MEI4: variants seen among roughly 807,000 people sequenced by gnomAD.
MEI4 encodes meiosis-specific protein MEI4.
Under a neutral mutation model 31.4 loss-of-function variants are expected in MEI4, and 27 were observed. That is an observed-to-expected ratio of 0.86 (90% CI 0.63 to 1.19). The LOEUF (loss-of-function observed/expected upper bound fraction) is 1.19. Among genes scored for constraint, MEI4 ranks in the 50% most tolerant of loss-of-function variants. MEI4 has a pLI of 0.00. For synonymous variants in MEI4, 122 were observed against 145.4 expected (o/e 0.84, Z 1.16); for missense variants, 329 against 398.9 (o/e 0.82, Z 1.49).
intron 1 of MEI4, among the ~76,000 whole-genome samples, chr6:77,666,640 G>T (rs1298149662): frequency 6.6e-6 from 1 of 152,178 alleles, no homozygotes; most frequent in East Asian, 1.9e-4. Context: ...CACATAGCTG[G>T]TAAGGGGCAA....
At chr6:77,773,754 G>T (rs1025208532) in intron 3 of MEI4, among the ~76,000 whole-genome samples, 1 of 152,036 alleles carries the variant, frequency 6.6e-6, no homozygotes, top group Non-Finnish European at 1.5e-5. Context: ...GGAAATATCT[G>T]TAAACTACTC....
intron 2 of MEI4, among the ~76,000 whole-genome samples, chr6:77,713,523 T>C (rs899651458): frequency 6.6e-6 from 1 of 152,170 alleles, no homozygotes; most frequent in African/African-American, 2.4e-5. Context: ...TCCAGTGAAA[T>C]TGAATGATGG....
chr6:77,744,400 G>A (rs185344926), intron 2 of MEI4, among the ~76,000 whole-genome samples: 22 of 152,162 alleles, frequency 1.4e-4, no homozygotes, highest in African/African-American at 4.8e-4. Context: ...GAAATGAAGC[G>A]ACAAGAGAAG....
intron 3 of MEI4, among the ~76,000 whole-genome samples, chr6:77,802,800 C>T (rs1284664822): frequency 6.6e-6 from 1 of 152,236 alleles, no homozygotes; most frequent in Non-Finnish European, 1.5e-5. Context: ...AATATTGGCT[C>T]ACACTGTTTT....
chr6:77,807,883 T>G (rs1053419275), intron 3 of MEI4, among the ~76,000 whole-genome samples: 2 of 152,196 alleles, frequency 1.3e-5, no homozygotes, highest in Non-Finnish European at 2.9e-5. Context: ...GCATAAGATA[T>G]CTTTATGAGT....
At chr6:77,724,834 T>G (rs1315733890) in intron 2 of MEI4, among the ~76,000 whole-genome samples, 1 of 146,870 alleles carries the variant, frequency 6.8e-6, no homozygotes, top group African/African-American at 2.5e-5. Context: ...ACATTTTGCG[T>G]TGACTGAGCC....
At chr6:77,660,374 T>G (rs553715332) in intron 1 of MEI4, among the ~76,000 whole-genome samples, 46 of 152,218 alleles carry the variant, frequency 3.0e-4, no homozygotes, top group African/African-American at 1.1e-3. Flanking sequence ...AGATCATCTA[T>G]CCACTCTAAG....
Position 77,708,496 on chromosome 6 carries a change from G to A in MEI4, c.232+17593G>A, listed in dbSNP as rs565664938. Among the ~76,000 whole-genome samples the A allele has an allele frequency of 1.8e-3, 274 of 152,338 alleles. 3 individuals carry two copies. Among genetic ancestry groups the A allele is most frequent in the African/African-American group, 6.3e-3 (262 of 41,584 alleles). ...ATGCTGAAACAAGTTGGGACTTTTG[G>A]AGACTATTGGGAAGAGATGATTGTA... On this transcript the variant is annotated intron_variant, in intron 2 of 4. Transcript: ENST00000684080.
chr6:77,893,957 CT>C (rs775433274), intron 4 of MEI4, among the ~76,000 whole-genome samples: 48 of 152,148 alleles, frequency 3.2e-4, no homozygotes, highest in Non-Finnish European at 5.0e-4. Flanking sequence ...CATGTACCCC[CT>C]GAATCTAAAA....
intron 4 of MEI4, among the ~76,000 whole-genome samples, chr6:77,876,866 CAAATT>C (rs1039119746): frequency 2.0e-5 from 3 of 151,552 alleles, no homozygotes; most frequent in African/African-American, 7.3e-5. Flanking sequence ...CAGTACCTCT[CAAATT>C]AGAAAGACAA....
rs1430505453 is a variant in MEI4 at position 77,926,138 on chromosome 6, C to A, written c.*2792C>A. ...CTCTCCTGGCACTTCAGTAAACTTT[C>A]ACAAACACAGCTTCTTTGCAATTGT... On this transcript the variant is annotated 3_prime_UTR_variant, in exon 5 of 5. Transcript: ENST00000684080. The A allele has an allele frequency of 2.6e-5, 4 of 151,948 alleles. No individual in the cohort carries two copies. Among genetic ancestry groups the A allele is most frequent in the Non-Finnish European group, 4.4e-5 (3 of 67,972 alleles). The allele number at this position is 151,948 out of a possible 1,614,324, so 9.4% of individuals were successfully genotyped here.
At position 77,794,466 on chromosome 6, in the gene MEI4, G is replaced by A. The variant is rs139328302; in HGVS notation, c.768+32801G>A. 3.3e-3 allele frequency among the ~76,000 whole-genome samples: 507 copies of A among 152,242 alleles called. 2 individuals carry two copies. Among genetic ancestry groups the A allele is most frequent in the African/African-American group, 0.012 (494 of 41,554 alleles). On this transcript the variant is annotated intron_variant, in intron 3 of 4. Coordinates refer to ENST00000684080, the MANE Select transcript of MEI4 (RefSeq NM_001322247.2). ...TAGTCCCAGCTACTCGGGAGGGTGA[G>A]GCAGGAGAATGGCATGAACTCTGGA...
intron 3 of MEI4, among the ~76,000 whole-genome samples, chr6:77,765,963 A>G (rs1768164354): frequency 6.6e-6 from 1 of 152,216 alleles, no homozygotes; most frequent in Admixed American, 6.5e-5. Flanking sequence ...TCTCACTCAT[A>G]GATGGGAATT....
chr6:77,786,154 GTATATC>G (rs1332862723), intron 3 of MEI4, among the ~76,000 whole-genome samples: 9 of 152,076 alleles, frequency 5.9e-5, no homozygotes, highest in African/African-American at 2.2e-4. Flanking sequence ...CTTATGAAAA[GTATATC>G]TATAGGGGAA....
intron 3 of MEI4, among the ~76,000 whole-genome samples, chr6:77,810,779 C>T (rs1056795145): frequency 2.0e-5 from 3 of 152,098 alleles, no homozygotes; most frequent in African/African-American, 7.2e-5. Flanking sequence ...AAATAACATG[C>T]ATTTTTCAGG....
intron 2 of MEI4, among the ~76,000 whole-genome samples, chr6:77,752,142 A>G (rs1168556578): frequency 6.6e-6 from 1 of 152,174 alleles, no homozygotes. Flanking sequence ...GCTATTTATG[A>G]CAAACCCACA....
Position 77,655,957 on chromosome 6 carries a change from A to G in MEI4, c.-15+2865A>G, listed in dbSNP as rs530184770. ...AATGTTCTGAAGTAGGTTCTTAAGCATAGCCTTCATTTAAGTCAATTTTTA... is the reference window on the plus strand; with the variant it reads ...AATGTTCTGAAGTAGGTTCTTAAGCGTAGCCTTCATTTAAGTCAATTTTTA... On this transcript the variant is annotated intron_variant, in intron 1 of 4. Transcript: ENST00000684080. 1.2e-3 allele frequency among the ~76,000 whole-genome samples: 181 copies of G among 152,338 alleles called. No individual in the cohort carries two copies. The Middle Eastern group carries it at 0.017, about 14-fold the overall frequency.
intron 4 of MEI4, among the ~76,000 whole-genome samples, chr6:77,911,465 C>G (rs1448022728): frequency 6.6e-6 from 1 of 151,820 alleles, no homozygotes; most frequent in Non-Finnish European, 1.5e-5. Flanking sequence ...CCTTCTGACC[C>G]TACCTGCTAT....
In MEI4 at chr6:77,778,821, G is replaced by C. The variant is rs150541668; in HGVS notation, c.768+17156G>C. Among the ~76,000 whole-genome samples the C allele has an allele frequency of 1.4e-3, 213 of 152,216 alleles. 1 individual carries two copies. The highest frequency in any genetic ancestry group is 4.5e-3 in the African/African-American group (187 of 41,546). ...GAAATAGACATCAACAGTATTCCTA[G>C]TTTCTGATCATTAACAACTGGGTGC... On this transcript the variant is annotated intron_variant, in intron 3 of 4. Transcript: ENST00000684080.
Sources: allele counts gnomAD v4.1 joint callset (sites outside exome capture counted in the v4.1 genomes callset), GRCh38; gene constraint gnomAD v4.1.1; transcripts MANE v1.5; gene names NCBI Gene and HGNC (gene_info 2026-07-23, HGNC 2026-07-21).